ATP2C1: variants seen among roughly 807,000 people sequenced by gnomAD.
ATP2C1 encodes the protein ATPase secretory pathway Ca2+ transporting 1, also known as calcium-transporting ATPase type 2C member 1.
ATP2C1 carries 31 observed loss-of-function variants against 120.5 expected under a neutral mutation model. That is an observed-to-expected ratio of 0.26 (90% confidence interval 0.19 to 0.35). The LOEUF is 0.35. Ranked by LOEUF, ATP2C1 falls within the 10% of genes least tolerant of loss-of-function variation. ATP2C1 has a pLI of 1.00. For synonymous variants in ATP2C1, 351 were observed against 358.7 expected, an observed-to-expected ratio of 0.98 and a Z score of 0.24; for missense variants, 731 against 1,107.5, an observed-to-expected ratio of 0.66 and a Z score of 4.83.
upstream of ATP2C1, among the ~76,000 whole-genome samples, chr3:130,891,148 AT>A (rs150010744): frequency 0.014 from 2,111 of 152,326 alleles, 28 homozygotes; most frequent in East Asian, 0.075. Flanking sequence ...GCTAGGTGAA[AT>A]TTCTTAACTA....
rs947556692 is a variant in ATP2C1, at chr3:130,941,299, C to T, written c.423-292C>T. Reference sequence around the variant, plus strand: ...GTGCGCGCACGCGCGCATGCATGCGCGTGTCCATGCGCAAGTGTGTGCTAA... The same window carrying T: ...GTGCGCGCACGCGCGCATGCATGCGTGTGTCCATGCGCAAGTGTGTGCTAA... On this transcript the variant is annotated intron_variant, in intron 7 of 27. Transcript: ENST00000510168. 2.7e-5 allele frequency among the ~76,000 whole-genome samples: 4 copies of T among 150,220 alleles called. No individual in the cohort carries two copies. In the East Asian group the frequency reaches 5.8e-4, roughly 22 times the overall value.
At chr3:131,011,765 G>C (rs2063325234) in intron 26 of ATP2C1, among the ~76,000 whole-genome samples, 1 of 152,138 alleles carries the variant, frequency 6.6e-6, no homozygotes, top group South Asian at 2.1e-4. Flanking sequence ...AGTTACTTTT[G>C]CACCAACTTA....
At chr3:130,949,223 A>G (rs868763131) in intron 8 of ATP2C1, among the ~76,000 whole-genome samples, 1 of 152,212 alleles carries the variant, frequency 6.6e-6, no homozygotes. Context: ...TGTGAATGCA[A>G]AGAAAAAATT....
At chr3:130,973,302 A>C (rs2061410733) in intron 17 of ATP2C1, among the ~76,000 whole-genome samples, 1 of 152,174 alleles carries the variant, frequency 6.6e-6, no homozygotes, top group Non-Finnish European at 1.5e-5. Context: ...CACAAGACCC[A>C]TAATTAAGAA....
At chr3:130,979,065 C>G (rs1419656509) in intron 18 of ATP2C1, among the ~76,000 whole-genome samples, 184 bp from the exon 19 acceptor site, 1 of 152,024 alleles carries the variant, frequency 6.6e-6, no homozygotes, top group Non-Finnish European at 1.5e-5. Flanking sequence ...TTAAAGGGAC[C>G]CCTTATCCAG....
At chr3:130,869,422 TAAAAAA>T (rs2068343064) in intron 1 of ATP2C1, 18 of 54,802 alleles carry the variant, frequency 3.3e-4, no homozygotes, top group African/African-American at 5.8e-4. Flanking sequence ...GAATGATCAA[TAAAAAA>T]TAAAAAAAAA....
chr3:130,852,657 G>C (rs1475505298), intron 1 of ATP2C1, among the ~76,000 whole-genome samples: 1 of 152,150 alleles, frequency 6.6e-6, no homozygotes, highest in Non-Finnish European at 1.5e-5. Context: ...CAGACCTAAT[G>C]TCTCACAGAA....
At chr3:130,990,470 C>T (rs1351965422) in intron 20 of ATP2C1, among the ~76,000 whole-genome samples, 2 of 152,006 alleles carry the variant, frequency 1.3e-5, no homozygotes, top group Non-Finnish European at 2.9e-5. Context: ...TGAGGAACAA[C>T]GAGGAGGCCA....
At chr3:131,005,375 C>T (rs2063069093), downstream of ATP2C1, among the ~76,000 whole-genome samples, 1 of 152,116 alleles carries the variant, frequency 6.6e-6, no homozygotes, top group Non-Finnish European at 1.5e-5. Flanking sequence ...GCCTTGGGCT[C>T]CCAAATGCTG....
At chr3:130,873,266 C>A (rs2068493136) in intron 1 of ATP2C1, among the ~76,000 whole-genome samples, 1 of 152,138 alleles carries the variant, frequency 6.6e-6, no homozygotes, top group African/African-American at 2.4e-5. Flanking sequence ...GGAGGGATAC[C>A]CAAGCCAAGA....
intron 8 of ATP2C1, among the ~76,000 whole-genome samples, chr3:130,953,315 T>A (rs2060448095): frequency 6.6e-6 from 1 of 152,214 alleles, no homozygotes; most frequent in Non-Finnish European, 1.5e-5. Context: ...AAATTGTAAT[T>A]TGGAATAAAC....
intron 11 of ATP2C1, 129 bp downstream of exon 11, chr3:130,956,308 T>C: frequency 1.9e-6 from 1 of 532,366 alleles, no homozygotes. Context: ...TTTAAAATTA[T>C]AAGACTACTA....
chr3:130,889,692 C>T (rs1031588272), upstream of ATP2C1, among the ~76,000 whole-genome samples: 1 of 131,266 alleles, frequency 7.6e-6, no homozygotes, highest in African/African-American at 3.1e-5. Flanking sequence ...GTCCCCCAGG[C>T]TGGAGTGCAG....
At chr3:130,850,697 T>C in exon 1 of ATP2C1, 1 of 489,014 alleles carries the variant, frequency 2.0e-6, no homozygotes, top group Non-Finnish European at 3.6e-6. Context: ...ATTTGCTTTG[T>C]TTGTAGGAGG....
At position 130,959,177 on chromosome 3, in the gene ATP2C1, T is replaced by C. The variant is rs2060709601; in HGVS notation, c.833-98T>C. 3.4e-6 allele frequency: 3 copies of C among 873,276 alleles called. No homozygotes were observed. The Admixed American group carries it at 6.1e-5, about 18-fold the overall frequency. 54.1% of individuals were successfully genotyped at this position (873,276 alleles called of 1,614,324 possible). A position where few individuals can be genotyped will look rare whatever the true frequency, so the allele number is the denominator to read the frequency against. On this transcript the variant is annotated intron_variant, in intron 11 of 27. Transcript: ENST00000510168. ...TAATTGTGATCTGATATGCTTTCCCTTTTTTGTCAAGGGACGTTTTAGATT... is the reference window on the plus strand; with the variant it reads ...TAATTGTGATCTGATATGCTTTCCCCTTTTTGTCAAGGGACGTTTTAGATT...
chr3:130,999,781 A>G, intron 27 of ATP2C1, 122 bp downstream of exon 27: 1 of 994,684 alleles, frequency 1.0e-6, no homozygotes, highest in Non-Finnish European at 1.5e-6. Flanking sequence ...GATTTGAAAA[A>G]GGAGTCTATT....
At chr3:130,909,136 G>A (rs2058272369) in intron 2 of ATP2C1, among the ~76,000 whole-genome samples, 1 of 152,152 alleles carries the variant, frequency 6.6e-6, no homozygotes, top group South Asian at 2.1e-4. Context: ...CCATTTCATA[G>A]TATCTCCCTT....
intron 1 of ATP2C1, among the ~76,000 whole-genome samples, chr3:130,861,735 T>C (rs2107721627): frequency 6.6e-6 from 1 of 152,256 alleles, no homozygotes; most frequent in East Asian, 1.9e-4. Flanking sequence ...CATCACAAAA[T>C]TGTCAACATT....
chr3:130,971,642 G>A (rs992391206), intron 17 of ATP2C1, among the ~76,000 whole-genome samples: 12 of 152,158 alleles, frequency 7.9e-5, no homozygotes, highest in Admixed American at 6.5e-4. Context: ...AAAGGTGCCA[G>A]GTACCTTTGA....
Sources: gnomAD v4.1 joint callset for allele counts (sites outside exome capture counted in the v4.1 genomes callset) on GRCh38, gnomAD v4.1.1 for gene constraint, MANE v1.5 for transcripts, NCBI Gene and HGNC (gene_info 2026-07-23, HGNC 2026-07-21) for gene names.